Variants in PUM2 observed in about 807,000 individuals in gnomAD.
PUM2 encodes pumilio homolog 2.
A neutral mutation model predicts 124.5 loss-of-function variants in PUM2; 57 were observed. The ratio of observed to expected loss-of-function variants is 0.46; its 90% CI spans 0.37 to 0.57. The LOEUF (loss-of-function observed/expected upper bound fraction) is 0.57. Ranked by LOEUF, PUM2 falls within the 20% of genes least tolerant of loss-of-function variation. The pLI is 0.00. For missense variants in PUM2, 1,065 were observed against 1,290.6 expected, an observed-to-expected ratio of 0.83 and a Z score of 2.68; for synonymous variants, 460 against 446.1, an observed-to-expected ratio of 1.03 and a Z score of -0.39.
At chr2:20,290,938 C>T in intron 9 of PUM2, 148 bp from the exon 10 acceptor site, 1 of 609,734 alleles carries the variant, frequency 1.6e-6, no homozygotes, top group Non-Finnish European at 2.6e-6. Flanking sequence ...CATGAAAAAT[C>T]ACAAAATACA....
In PUM2 at chr2:20,256,059, A is replaced by C; in HGVS notation, c.2596T>G (p.Phe866Val). The C allele has an allele frequency of 2.5e-6, 4 of 1,584,386 alleles. No individual in the cohort carries two copies. The highest frequency in any genetic ancestry group is 2.6e-6 in the Non-Finnish European group (3 of 1,170,170). Residue 866 changes from phenylalanine to valine, a missense_variant, in exon 17 of 21, where the codon TTC becomes GTC. Transcript: ENST00000361078. ...TGTCCCTTGAAAGCATCAATGATGA[A>C]CTGTAGTGACTGTGGCTGAACACAT... is the stretch of plus-strand genomic sequence containing the variant. ...IECVQPQSLQ[F>V]IIDAFKGQVF...
Position 20,278,660 on chromosome 2 carries a change from G to A in PUM2, c.1880C>T (p.Pro627Leu). ...SSPSPIGMPL[P>L]SQTPGHSLTP... ...AAGTGAATGTCCTGGAGTTTGGCTTGGCAGAGGCATGCCTATTGGACTTGG... is the reference window on the plus strand; with the variant it reads ...AAGTGAATGTCCTGGAGTTTGGCTTAGCAGAGGCATGCCTATTGGACTTGG... Residue 627 changes from proline to leucine, a missense_variant, in exon 13 of 21, where the codon CCA (proline) becomes CTA (leucine). Physicochemically the swap from Pro to Leu is moderately conservative, Grantham distance 98. Around this residue, in one of 3 missense-constraint regions of PUM2, gnomAD observed 968 missense variants for 1,159.8 expected, o/e 0.83. Transcript: ENST00000361078. 6.2e-7 allele frequency: 1 copy of A among 1,613,364 alleles called. No homozygotes were observed. Among genetic ancestry groups the A allele is most frequent in the South Asian group, 1.1e-5 (1 of 91,066 alleles).
Position 20,258,484 on chromosome 2 carries a change from G to C in PUM2, c.2356-113C>G, listed in dbSNP as rs1484084786. 1.4e-5 allele frequency: 14 copies of C among 993,846 alleles called. No individual in the cohort carries two copies. In the Admixed American group the frequency reaches 1.6e-4, roughly 11 times the overall value. The allele number at this position is 993,846 out of a possible 1,614,324, so 61.6% of individuals were successfully genotyped here. ...TCTATCAGTAACTATGTAGGGCAGG[G>C]GCTTTAAGGTAGAAGCTAATTAAGA... On this transcript the variant is annotated intron_variant, in intron 15 of 20. Coordinates refer to ENST00000361078, the MANE Select transcript of PUM2 (RefSeq NM_015317.5).
At chr2:20,262,739 T>C (rs1037728939) in intron 14 of PUM2, among the ~76,000 whole-genome samples, 1 of 152,242 alleles carries the variant, frequency 6.6e-6, no homozygotes, top group African/African-American at 2.4e-5. Flanking sequence ...CTCTCATGTA[T>C]TACATTCGTT....
intron 17 of PUM2, 28 bp downstream of exon 17, chr2:20,256,005 C>T: frequency 2.7e-6 from 4 of 1,507,472 alleles, no homozygotes; most frequent in Non-Finnish European, 3.5e-6. Flanking sequence ...GCCCTGCTAA[C>T]AAATTATAAG....
intron 7 of PUM2, among the ~76,000 whole-genome samples, chr2:20,306,981 A>AG (rs917521791): frequency 2.0e-5 from 3 of 151,172 alleles, no homozygotes; most frequent in Admixed American, 6.6e-5. Flanking sequence ...TGGGAGGCCG[A>AG]GGGGGGGCTG....
chr2:20,331,678 A>G (rs1684954071), intron 1 of PUM2: 1 of 152,106 alleles, frequency 6.6e-6, no homozygotes, highest in African/African-American at 2.4e-5. Flanking sequence ...AGTAGACATG[A>G]ATTTTTCTCA....
intron 5 of PUM2, among the ~76,000 whole-genome samples, chr2:20,308,902 T>A (rs1416659331): frequency 2.0e-5 from 3 of 152,176 alleles, no homozygotes; most frequent in African/African-American, 7.2e-5. Context: ...GAAATCTCTG[T>A]CTCAAGTCAC....
Position 20,344,914 on chromosome 2 carries a change from C to T in PUM2, c.-19+5683G>A, listed in dbSNP as rs188565461. Among the ~76,000 whole-genome samples, 96 of 134,026 alleles carry T rather than the reference C, an allele frequency of 7.2e-4. No individual in the cohort carries two copies. The Admixed American group carries it at 7.3e-3, about 10-fold the overall frequency. 87.9% of individuals were successfully genotyped at this position (134,026 alleles called of 152,430 possible). ...AGGAGAAGGGCGTGAACCCGGGAGG[C>T]GGAGCTTGCAGTGAGTTGTGATAGT... On this transcript the variant is annotated intron_variant, in intron 1 of 20. Transcript: ENST00000361078.
intron 13 of PUM2, among the ~76,000 whole-genome samples, chr2:20,269,430 T>C (rs1264623035): frequency 6.6e-6 from 1 of 152,174 alleles, no homozygotes; most frequent in Admixed American, 6.5e-5. Flanking sequence ...CTTGATCTCC[T>C]GACCTCGTGA....
intron 7 of PUM2, among the ~76,000 whole-genome samples, chr2:20,303,253 G>A (rs1349004520): frequency 2.6e-5 from 4 of 152,120 alleles, no homozygotes; most frequent in African/African-American, 7.2e-5. Context: ...CAATATGGTT[G>A]AGCAAGTCCT....
Position 20,256,072 on chromosome 2 carries a change from T to C in PUM2, c.2583A>G (p.Pro861=), listed in dbSNP as rs532143714. 2.6e-5 allele frequency: 42 copies of C among 1,598,852 alleles called. No individual in the cohort carries two copies. In the South Asian group the frequency reaches 4.7e-4, roughly 18 times the overall value. Residue 861 remains proline (P), a synonymous_variant, in exon 17 of 21, where the codon CCA becomes CCG. Transcript: ENST00000361078. ...VVQKCIECVQ[P]QSLQFIIDAF... is the part of the protein sequence containing the mutation. ...CATCAATGATGAACTGTAGTGACTG[T>C]GGCTGAACACATTCGATACATTTTT...
chr2:20,341,125 G>A (rs1168231104), intron 1 of PUM2, among the ~76,000 whole-genome samples: 2 of 152,194 alleles, frequency 1.3e-5, no homozygotes, highest in South Asian at 4.1e-4. Context: ...CAAGACCAGC[G>A]TAGGCAACAT....
At chr2:20,316,618 C>A (rs1228977080) in intron 3 of PUM2, among the ~76,000 whole-genome samples, 1 of 152,122 alleles carries the variant, frequency 6.6e-6, no homozygotes, top group Non-Finnish European at 1.5e-5. Flanking sequence ...TACTTTAATA[C>A]AACTATGGGC....
chr2:20,261,613 A>G (rs1287377015), intron 14 of PUM2, among the ~76,000 whole-genome samples: 2 of 151,936 alleles, frequency 1.3e-5, no homozygotes, highest in Non-Finnish European at 2.9e-5. Flanking sequence ...AGGAGAGGAC[A>G]GCTCCATAGG....
intron 7 of PUM2, among the ~76,000 whole-genome samples, chr2:20,301,583 C>T (rs886800317): frequency 6.6e-6 from 1 of 152,068 alleles, no homozygotes; most frequent in African/African-American, 2.4e-5. Flanking sequence ...CAGATACAAA[C>T]CTAGCTCATC....
At chr2:20,286,109 A>C (rs1028932053) in intron 10 of PUM2, among the ~76,000 whole-genome samples, 4 of 152,184 alleles carry the variant, frequency 2.6e-5, no homozygotes, top group African/African-American at 7.2e-5. Context: ...CTCTGACTTC[A>C]GGCAGGAAAC....
intron 13 of PUM2, among the ~76,000 whole-genome samples, chr2:20,263,720 T>C (rs1255674537): frequency 6.6e-6 from 1 of 151,910 alleles, no homozygotes; most frequent in Non-Finnish European, 1.5e-5. Flanking sequence ...AACTTAATTA[T>C]ATGATCTAGT....
At chr2:20,300,309 C>T (rs1482609386) in intron 7 of PUM2, among the ~76,000 whole-genome samples, 1 of 152,292 alleles carries the variant, frequency 6.6e-6, no homozygotes, top group African/African-American at 2.4e-5. Flanking sequence ...GCCGCCACGC[C>T]TGGCTAATTT....
Sources: allele counts gnomAD v4.1 joint callset (sites outside exome capture counted in the v4.1 genomes callset), GRCh38; gene constraint gnomAD v4.1.1; regional missense constraint gnomAD v4.1.1; transcripts MANE v1.5; gene names NCBI Gene and HGNC (gene_info 2026-07-23, HGNC 2026-07-21).